FMR1: variants seen among roughly 807,000 people sequenced by gnomAD.
The protein encoded by FMR1 is fragile X messenger ribonucleoprotein 1.
In FMR1, 13 loss-of-function variants were observed where a neutral mutation model predicts 50.6. The observed-to-expected ratio is 0.26, with a 90% confidence interval of 0.17 to 0.41. The LOEUF is 0.41. Among genes scored for constraint, FMR1 ranks in the 10% least tolerant of loss-of-function variants. The pLI is 1.00. For synonymous variants in FMR1, 138 were observed against 164.1 expected, an observed-to-expected ratio of 0.84 and a Z score of 1.22; for missense variants, 316 against 491.3, an observed-to-expected ratio of 0.64 and a Z score of 3.37.
chrX:147,922,765 G>T (rs1309892049), intron 2 of FMR1, among the ~76,000 whole-genome samples: 1 of 111,370 alleles, frequency 9.0e-6, no homozygotes, highest in African/African-American at 3.3e-5. Context: ...TATATACCAA[G>T]AAAATTAATA....
chrX:147,947,697 G>A (rs782394506), intron 16 of FMR1: 66 of 106,690 alleles, frequency 6.2e-4, no homozygotes, highest in African/African-American at 2.2e-3. Context: ...GCGACAGAGC[G>A]AGACTGTCTG....
intron 2 of FMR1, among the ~76,000 whole-genome samples, chrX:147,923,527 A>G (rs1170338173): frequency 8.9e-6 from 1 of 112,070 alleles, no homozygotes; most frequent in Admixed American, 9.4e-5. Context: ...TCTATAATCT[A>G]AAGTGTTAAG....
At chrX:147,924,209 A>G (rs1055054237) in intron 2 of FMR1, among the ~76,000 whole-genome samples, 1 of 111,265 alleles carries the variant, frequency 9.0e-6, no homozygotes, top group Non-Finnish European at 1.9e-5. Context: ...AGGAGGGTTC[A>G]GTTAATTTAG....
At position 147,924,501 on chromosome X, in the gene FMR1, C is replaced by CTATA. The variant is rs1238992074; in HGVS notation, c.105-1027_105-1024dup. On this transcript the variant is annotated intron_variant, in intron 2 of 16. Transcript: ENST00000370475. The stretch of plus-strand genomic sequence containing the variant: ...TGTGTGTGTGTGTGTGTGTGTGTGT[C>CTATA]TATATATATATATATTTTTTTTTTT... 1.2e-4 allele frequency among the ~76,000 whole-genome samples: 5 copies of CTATA among 41,384 alleles called. 1 individual carries two copies. The highest frequency in any genetic ancestry group is 1.1e-3 in the Admixed American group (4 of 3,777). 35.9% of individuals were successfully genotyped at this position (41,384 alleles called of 115,157 possible).
In FMR1 at chrX:147,938,134, C is replaced by T. The variant is rs138279248; in HGVS notation, c.1161C>T (p.Ser387=). ...CTTCATCAGTTGTAGCAGGGGAATC[C>T]CAGAAACCTGAACTCAAGGCTTGGC... is the stretch of plus-strand genomic sequence containing the variant. ...LVASSVVAGE[S]QKPELKAWQG... The change falls in exon 12 of 17, where the codon TCC becomes TCT. Residue 387 remains serine (S), a synonymous_variant. Transcript: ENST00000370475. The T allele has an allele frequency of 4.9e-5, 59 of 1,206,398 alleles. No individual in the cohort carries two copies. The highest frequency in any genetic ancestry group is 6.2e-5 in the Non-Finnish European group (55 of 891,942).
At chrX:147,921,641 A>G (rs2043173831) in intron 1 of FMR1, among the ~76,000 whole-genome samples, 1 of 111,694 alleles carries the variant, frequency 9.0e-6, no homozygotes, top group Non-Finnish European at 1.9e-5. Context: ...CTTTGCACTC[A>G]CTACCACATT....
rs1215645517 is a variant in FMR1, at chrX:147,916,581, CCTTTCTTT to C, written c.51+4352_51+4359del. Among the ~76,000 whole-genome samples, 719 of 110,429 alleles carry C rather than the reference CCTTTCTTT, an allele frequency of 6.5e-3. 3 individuals carry two copies. The highest frequency in any genetic ancestry group is 0.023 in the African/African-American group (689 of 30,346). On this transcript the variant is annotated intron_variant, in intron 1 of 16. Transcript: ENST00000370475. ...TTTTGGTTTTCTTTCTTCCTTTCTT[CCTTTCTTT>C]TCCTTTCTTTCCTTTCTTCCTTTTT...
chrX:147,943,043 A>G (rs990524272), intron 13 of FMR1, 88 bp from the exon 14 acceptor site: 15 of 738,679 alleles, frequency 2.0e-5, no homozygotes, highest in Admixed American at 7.3e-5. Context: ...GAAATATTCC[A>G]GTATATTTTT....
At position 147,950,559 on chromosome X, in the gene FMR1, A is replaced by G; in HGVS notation, c.*1715A>G. The G allele has an allele frequency of 3.0e-6, 1 of 329,690 alleles. No individual in the cohort carries two copies. The highest frequency in any genetic ancestry group is 2.6e-5 in the South Asian group (1 of 38,499). 27.2% of individuals were successfully genotyped at this position (329,690 alleles called of 1,213,427 possible). On this transcript the variant is annotated 3_prime_UTR_variant, in exon 17 of 17. Transcript: ENST00000370475. ...TATTAGCGACAACAGATTGGATTTT[A>G]TGTTGACATTTGTTTGGTTATAGTG...
intron 7 of FMR1, 47 bp downstream of exon 7, chrX:147,930,291 T>C: frequency 1.3e-6 from 1 of 755,684 alleles, no homozygotes; most frequent in Non-Finnish European, 2.1e-6. Flanking sequence ...CTAGGAACGA[T>C]TAACTGTATC....
intron 8 of FMR1, 45 bp downstream of exon 8, chrX:147,932,640 T>C (rs781809057): frequency 1.7e-6 from 2 of 1,193,002 alleles, no homozygotes; most frequent in South Asian, 3.5e-5. Flanking sequence ...AACAAGTATT[T>C]CAGCTGGCTA....
intron 15 of FMR1, 104 bp downstream of exon 15, chrX:147,945,155 C>T (rs2044131870): frequency 9.9e-6 from 11 of 1,110,194 alleles, no homozygotes; most frequent in Non-Finnish European, 1.3e-5. Context: ...GATCCCATCT[C>T]TCCCGTTTTG....
Position 147,942,768 on chromosome X carries a change from T to A in FMR1, c.1276-363T>A, listed in dbSNP as rs1480148799. Among the ~76,000 whole-genome samples, 31 of 112,648 alleles carry A rather than the reference T, an allele frequency of 2.8e-4. No homozygotes were observed. The Admixed American group carries it at 2.9e-3, about 11-fold the overall frequency. On this transcript the variant is annotated intron_variant, in intron 13 of 16. Coordinates refer to ENST00000370475, the MANE Select transcript of FMR1 (RefSeq NM_002024.6). Reference sequence around the variant, plus strand: ...GTCATTTATCTATATTCATACATTTTAGCATGTTTTATTTAATATCCTATC... The same window carrying A: ...GTCATTTATCTATATTCATACATTTAAGCATGTTTTATTTAATATCCTATC...
At chrX:147,940,423 A>G (rs1215469099) in intron 12 of FMR1, 153 bp from the exon 13 acceptor site, 1 of 492,438 alleles carries the variant, frequency 2.0e-6, no homozygotes, top group African/African-American at 2.4e-5. Context: ...TATATCAACT[A>G]CTTTTGTTTT....
At position 147,949,807 on chromosome X, in the gene FMR1, G is replaced by T. The variant is rs1557183107; in HGVS notation, c.*963G>T. ...GAGCTTTTTTTTTTTAATTTTGTCT[G>T]CCCCAAGTTTTGTGAAATTTTTCAT... On this transcript the variant is annotated 3_prime_UTR_variant, in exon 17 of 17. Transcript: ENST00000370475. The T allele has an allele frequency of 3.1e-6, 1 of 325,638 alleles. No individual in the cohort carries two copies. Among genetic ancestry groups the T allele is most frequent in the Admixed American group, 3.1e-5 (1 of 31,861 alleles). The allele number at this position is 325,638 out of a possible 1,213,427, so 26.8% of individuals were successfully genotyped here.
At chrX:147,935,631 C>G (rs180951128) in intron 9 of FMR1, among the ~76,000 whole-genome samples, 4 of 111,891 alleles carry the variant, frequency 3.6e-5, no homozygotes, top group East Asian at 5.6e-4. Context: ...TGCTTTACCA[C>G]TCGTGTCATG....
chrX:147,937,654 C>T (rs1287561751), intron 11 of FMR1, 54 bp downstream of exon 11: 3 of 630,119 alleles, frequency 4.8e-6, no homozygotes, highest in Non-Finnish European at 8.2e-6. Flanking sequence ...TCTCAGATGT[C>T]ACAATTGGTA....
At chrX:147,929,621 GAGA>G (rs1381845355) in intron 5 of FMR1, among the ~76,000 whole-genome samples, 3 of 109,376 alleles carry the variant, frequency 2.7e-5, no homozygotes, top group Admixed American at 9.8e-5. Context: ...CCTGCAACAA[GAGA>G]AGAAGAAAGA....
chrX:147,928,153 G>T, intron 3 of FMR1, 169 bp from the exon 4 acceptor site: 1 of 436,466 alleles, frequency 2.3e-6, no homozygotes. Flanking sequence ...ATGTATCTCT[G>T]CCTACCTCGG....
Sources: allele counts gnomAD v4.1 joint callset (sites outside exome capture counted in the v4.1 genomes callset), GRCh38; gene constraint gnomAD v4.1.1; transcripts MANE v1.5; gene names NCBI Gene and HGNC (gene_info 2026-07-23, HGNC 2026-07-21).